SPAG16: variants seen among roughly 807,000 people sequenced by gnomAD.
SPAG16 encodes the protein sperm associated antigen 16.
In SPAG16, 86 loss-of-function variants were observed where a neutral mutation model predicts 80.4. The observed-to-expected ratio is 1.07, with a 90% confidence interval of 0.90 to 1.28. The LOEUF is 1.28. Among genes scored for constraint, SPAG16 ranks in the 50% most tolerant of loss-of-function variants. The probability of loss-of-function intolerance (pLI) is 0.00; values close to 1 mark genes in which losing one functional copy is unlikely to be tolerated. For missense variants in SPAG16, 870 were observed against 765.3 expected (o/e 1.14, Z -1.61); for synonymous variants, 294 against 265.9 (o/e 1.11, Z -1.03).
At chr2:213,360,919 C>G (rs1465843828) in intron 7 of SPAG16, among the ~76,000 whole-genome samples, 1 of 152,164 alleles carries the variant, frequency 6.6e-6, no homozygotes, top group African/African-American at 2.4e-5. Flanking sequence ...AGTAAGACAT[C>G]TTATGTTTTC....
intron 15 of SPAG16, among the ~76,000 whole-genome samples, chr2:214,321,911 C>T (rs1247187077): frequency 6.6e-6 from 1 of 152,146 alleles, no homozygotes; most frequent in African/African-American, 2.4e-5. Context: ...TGCTATACCC[C>T]CAATCTGAAT....
chr2:213,858,514 G>T (rs1044569973), intron 10 of SPAG16, among the ~76,000 whole-genome samples: 12 of 152,194 alleles, frequency 7.9e-5, no homozygotes, highest in Middle Eastern at 6.8e-3. Flanking sequence ...ATAGTATAGG[G>T]TAAACATAAC....
chr2:214,107,859 A>G (rs1267810591), intron 13 of SPAG16, among the ~76,000 whole-genome samples: 1 of 152,156 alleles, frequency 6.6e-6, no homozygotes, highest in East Asian at 1.9e-4. Context: ...CAGCTTTCTA[A>G]TAAGGGAGTT....
chr2:213,913,856 A>G (rs956358606), intron 11 of SPAG16, among the ~76,000 whole-genome samples: 4 of 152,020 alleles, frequency 2.6e-5, no homozygotes, highest in Admixed American at 1.3e-4. Flanking sequence ...TAGATGTCTG[A>G]TTTTGCAGCT....
At chr2:214,047,087 A>G (rs551564133) in intron 13 of SPAG16, among the ~76,000 whole-genome samples, 1 of 152,310 alleles carries the variant, frequency 6.6e-6, no homozygotes, top group South Asian at 2.1e-4. Flanking sequence ...AAGAATCAGT[A>G]TTGTTAAAAT....
intron 10 of SPAG16, among the ~76,000 whole-genome samples, chr2:213,686,420 C>T (rs2125279182): frequency 6.6e-6 from 1 of 152,152 alleles, no homozygotes; most frequent in Non-Finnish European, 1.5e-5. Flanking sequence ...CCGGCTGTTA[C>T]TTTATTTTAA....
At chr2:213,578,884 A>G (rs1371908231) in intron 10 of SPAG16, among the ~76,000 whole-genome samples, 2 of 152,012 alleles carry the variant, frequency 1.3e-5, no homozygotes, top group Non-Finnish European at 2.9e-5. Context: ...TTCCTTTTGT[A>G]AGAACTGTTA....
chr2:213,821,850 G>T (rs912691097), intron 10 of SPAG16, among the ~76,000 whole-genome samples: 1 of 152,072 alleles, frequency 6.6e-6, no homozygotes, highest in Admixed American at 6.6e-5. Context: ...AATGACATCT[G>T]GGTCCATCCA....
chr2:213,970,267 C>T (rs2044957886), intron 12 of SPAG16, among the ~76,000 whole-genome samples: 1 of 151,196 alleles, frequency 6.6e-6, no homozygotes, highest in Non-Finnish European at 1.5e-5. Flanking sequence ...TATTGTCAGT[C>T]AAGTAATGCT....
At chr2:214,289,225 A>G (rs919654711) in intron 15 of SPAG16, among the ~76,000 whole-genome samples, 2 of 152,072 alleles carry the variant, frequency 1.3e-5, no homozygotes, top group Non-Finnish European at 2.9e-5. Context: ...TTTCCTTGCT[A>G]TGTAGCTTTT....
chr2:213,671,138 G>A (rs1653406049), intron 10 of SPAG16, among the ~76,000 whole-genome samples: 1 of 152,092 alleles, frequency 6.6e-6, no homozygotes, highest in African/African-American at 2.4e-5. Flanking sequence ...TGATAATTGT[G>A]TACTCATTTT....
In SPAG16 at chr2:213,288,600, C is replaced by T. The variant is rs1025717578; in HGVS notation, c.136+3981C>T. Among the ~76,000 whole-genome samples, 7 of 152,020 alleles carry T rather than the reference C, an allele frequency of 4.6e-5. 1 individual carries two copies. In the South Asian group the frequency reaches 6.2e-4, roughly 14 times the overall value. On this transcript the variant is annotated intron_variant, in intron 1 of 15. Coordinates refer to ENST00000331683, the MANE Select transcript of SPAG16 (RefSeq NM_024532.5). ...TGCTGGGATTACAGGTGTGAGCCAC[C>T]GCACCTGTCCTTTCCTTTTTTTAAA...
At chr2:213,985,992 G>A (rs1462214152) in intron 12 of SPAG16, among the ~76,000 whole-genome samples, 1 of 152,030 alleles carries the variant, frequency 6.6e-6, no homozygotes, top group Non-Finnish European at 1.5e-5. Flanking sequence ...ATGAGAAAAA[G>A]GAGTTGTTTT....
chr2:213,555,399 G>A (rs1322920976), intron 10 of SPAG16, among the ~76,000 whole-genome samples: 1 of 152,154 alleles, frequency 6.6e-6, no homozygotes, highest in Non-Finnish European at 1.5e-5. Context: ...TGTCATGGTT[G>A]TATAAGTGTC....
At chr2:214,219,882 G>A (rs575253697) in intron 15 of SPAG16, among the ~76,000 whole-genome samples, 2 of 152,134 alleles carry the variant, frequency 1.3e-5, no homozygotes, top group South Asian at 4.1e-4. Context: ...GTTAACTGAT[G>A]ATGGAAGTAT....
intron 10 of SPAG16, among the ~76,000 whole-genome samples, chr2:213,676,709 A>C (rs1386804231): frequency 1.3e-5 from 2 of 151,472 alleles, no homozygotes; most frequent in Non-Finnish European, 2.9e-5. Flanking sequence ...ATATTGAACC[A>C]GCCTTGCATC....
chr2:213,612,748 G>A (rs974312414), intron 10 of SPAG16, among the ~76,000 whole-genome samples: 2 of 152,018 alleles, frequency 1.3e-5, no homozygotes, highest in South Asian at 4.1e-4. Context: ...CCAAGGCCCC[G>A]TTTCAGCTCA....
intron 10 of SPAG16, among the ~76,000 whole-genome samples, chr2:213,603,703 A>G (rs140447789): frequency 8.8e-4 from 134 of 152,356 alleles, no homozygotes; most frequent in African/African-American, 3.1e-3. Flanking sequence ...AGATCTATTC[A>G]TAAAATGATT....
chr2:213,347,250 A>G (rs2065049589), intron 6 of SPAG16, among the ~76,000 whole-genome samples: 1 of 151,746 alleles, frequency 6.6e-6, no homozygotes, highest in Non-Finnish European at 1.5e-5. Flanking sequence ...ATCATTTTTT[A>G]TTGTGTCTAT....
Sources: allele counts gnomAD v4.1 joint callset (sites outside exome capture counted in the v4.1 genomes callset), GRCh38; gene constraint gnomAD v4.1.1; transcripts MANE v1.5; gene names NCBI Gene and HGNC (gene_info 2026-07-23, HGNC 2026-07-21).